The following PAPPA2 variants were observed in gnomAD, a reference collection of about 807,000 sequenced individuals.
PAPPA2 encodes pappalysin-2.
PAPPA2 carries 86 observed loss-of-function variants against 176.4 expected under a neutral mutation model. That is an observed-to-expected ratio of 0.49 (90% CI 0.41 to 0.58). The LOEUF (loss-of-function observed/expected upper bound fraction) is 0.58. PAPPA2 is among the 20% of genes least tolerant of loss of function. The pLI, the probability that PAPPA2 is intolerant of heterozygous loss-of-function variation, is 0.00. For synonymous variants in PAPPA2, 809 were observed against 852.2 expected (o/e 0.95, Z 0.88); for missense variants, 2,073 against 2,256.9 (o/e 0.92, Z 1.65).
chr1:176,668,850 T>C (rs1658823207), intron 3 of PAPPA2, among the ~76,000 whole-genome samples: 1 of 152,146 alleles, frequency 6.6e-6, no homozygotes, highest in African/African-American at 2.4e-5. Context: ...CATACCCAGT[T>C]TGCCACCAGC....
chr1:176,635,013 A>AGATAGATAGATG (rs1553378324), intron 3 of PAPPA2, among the ~76,000 whole-genome samples: 2 of 147,574 alleles, frequency 1.4e-5, no homozygotes, highest in Non-Finnish European at 3.0e-5. Flanking sequence ...ATAGATAGAT[A>AGATAGATAGATG]GATGCACAGC....
intron 19 of PAPPA2, among the ~76,000 whole-genome samples, chr1:176,793,059 G>T (rs1170578919): frequency 6.6e-6 from 1 of 152,106 alleles, no homozygotes; most frequent in African/African-American, 2.4e-5. Flanking sequence ...TAATTTCTGG[G>T]CCATTTCCCG....
chr1:176,779,519 C>CAG lies in PAPPA2; in HGVS notation c.4715+8360_4715+8361dup, dbSNP rs565823413. Among the ~76,000 whole-genome samples the CAG allele has an allele frequency of 7.2e-3, 743 of 102,524 alleles. 5 individuals are homozygous for CAG. Among genetic ancestry groups the CAG allele is most frequent in the South Asian group, 0.023 (66 of 2,830 alleles). 67.3% of individuals were successfully genotyped at this position (102,524 alleles called of 152,430 possible). A position where few individuals can be genotyped will look rare whatever the true frequency, so the allele number is the denominator to read the frequency against. On this transcript the variant is annotated intron_variant, in intron 17 of 22. Coordinates refer to ENST00000367662, the MANE Select transcript of PAPPA2 (RefSeq NM_020318.3). Reference sequence around the variant, plus strand: ...ACACACACACACACACACACACACACAGAGAGAGAGAGAGAGAGAGAGGAG... The same window carrying CAG: ...ACACACACACACACACACACACACACAGAGAGAGAGAGAGAGAGAGAGAGGAG...
chr1:176,664,982 G>C (rs1394298816), intron 3 of PAPPA2, among the ~76,000 whole-genome samples: 1 of 152,118 alleles, frequency 6.6e-6, no homozygotes, highest in Non-Finnish European at 1.5e-5. Flanking sequence ...TTGTACTGAG[G>C]GGGTGGAGTG....
intron 21 of PAPPA2, 100 bp downstream of exon 21, chr1:176,800,232 A>G: frequency 9.0e-7 from 1 of 1,110,594 alleles, no homozygotes; most frequent in Non-Finnish European, 1.3e-6. Context: ...TCCCTCTCCT[A>G]TTCCTCTGTC....
At chr1:176,644,455 A>C (rs1657277567) in intron 3 of PAPPA2, among the ~76,000 whole-genome samples, 1 of 151,824 alleles carries the variant, frequency 6.6e-6, no homozygotes, top group African/African-American at 2.4e-5. Flanking sequence ...TTATTTTATC[A>C]AAAGGAGTTA....
intron 21 of PAPPA2, among the ~76,000 whole-genome samples, chr1:176,836,258 G>A (rs1190712086): frequency 1.3e-5 from 2 of 152,100 alleles, no homozygotes; most frequent in African/African-American, 2.4e-5. Flanking sequence ...TTATGAAAAC[G>A]ATGTGGAAAA....
chr1:176,543,151 C>T (rs187675066), intron 1 of PAPPA2, among the ~76,000 whole-genome samples: 1 of 152,260 alleles, frequency 6.6e-6, no homozygotes, highest in Non-Finnish European at 1.5e-5. Context: ...TCTTCACGTT[C>T]CCCGTCGTCT....
At chr1:176,594,448 G>T in intron 2 of PAPPA2, 76 bp from the exon 3 acceptor site, 1 of 1,236,056 alleles carries the variant, frequency 8.1e-7, no homozygotes, top group Non-Finnish European at 1.1e-6. Context: ...TATTTACATG[G>T]GCTTTCTTCT....
At chr1:176,600,646 A>G (rs1158052023) in intron 3 of PAPPA2, among the ~76,000 whole-genome samples, 1 of 139,742 alleles carries the variant, frequency 7.2e-6, no homozygotes. Context: ...ACTGCACTCC[A>G]GCCTGGGCGA....
intron 17 of PAPPA2, among the ~76,000 whole-genome samples, chr1:176,786,715 G>A (rs1664949495): frequency 1.3e-5 from 2 of 152,064 alleles, no homozygotes; most frequent in African/African-American, 4.8e-5. Flanking sequence ...AGCAAACCTG[G>A]GTCTGCATCC....
At chr1:176,786,377 G>A (rs1664935509) in intron 17 of PAPPA2, among the ~76,000 whole-genome samples, 1 of 151,938 alleles carries the variant, frequency 6.6e-6, no homozygotes, top group Non-Finnish European at 1.5e-5. Context: ...GAGGGTGGGG[G>A]GATTTTAGCT....
chr1:176,746,982 C>A (rs10798479), intron 14 of PAPPA2, among the ~76,000 whole-genome samples: 64,622 of 152,002 alleles, frequency 0.43, 15,153 homozygotes, highest in African/African-American at 0.62. Context: ...ATGGAACAGG[C>A]ATAATTTTTC....
At chr1:176,695,681 C>G in intron 6 of PAPPA2, 57 bp from the exon 7 acceptor site, 1 of 1,589,784 alleles carries the variant, frequency 6.3e-7, no homozygotes. Flanking sequence ...ATTTTCTTAT[C>G]CCAACTCATC....
intron 13 of PAPPA2, 97 bp from the exon 14 acceptor site, chr1:176,739,883 G>A: frequency 6.4e-7 from 1 of 1,563,832 alleles, no homozygotes; most frequent in Non-Finnish European, 8.7e-7. Flanking sequence ...CTAGGTTTTG[G>A]CATCATACAC....
intron 1 of PAPPA2, among the ~76,000 whole-genome samples, chr1:176,518,421 A>G (rs1649032106): frequency 6.6e-6 from 1 of 150,436 alleles, no homozygotes; most frequent in Admixed American, 6.6e-5. Flanking sequence ...GCCTTTATGG[A>G]GTTACCTGTA....
In PAPPA2 at chr1:176,566,438, T is replaced by G. The variant is rs551776401; in HGVS notation, c.919+9197T>G. Among the ~76,000 whole-genome samples, 9 of 152,334 alleles carry G rather than the reference T, an allele frequency of 5.9e-5. No individual in the cohort carries two copies. In the South Asian group the frequency reaches 1.9e-3, roughly 32 times the overall value. On this transcript the variant is annotated intron_variant, in intron 2 of 22. Transcript: ENST00000367662. The stretch of plus-strand genomic sequence containing the variant: ...CATTTACTGTAAAAGATTCTCTTCC[T>G]GGTCCTTTGCATCTCAGGGAGACAA...
intron 3 of PAPPA2, among the ~76,000 whole-genome samples, chr1:176,634,982 G>C (rs1050751358): frequency 6.6e-6 from 1 of 150,910 alleles, no homozygotes; most frequent in African/African-American, 2.5e-5. Flanking sequence ...TAGATAGATA[G>C]ATAGATAGAT....
chr1:176,711,857 A>G lies in PAPPA2; in HGVS notation c.3674A>G (p.Asp1225Gly), dbSNP rs1304041542. 2 of 1,611,614 alleles carry G rather than the reference A, an allele frequency of 1.2e-6. No individual in the cohort carries two copies. The highest frequency in any genetic ancestry group is 1.7e-6 in the Non-Finnish European group (2 of 1,178,004). The change falls in exon 12 of 23, where the codon GAT becomes GGT. Residue 1225 changes from aspartate (D) to glycine (G), a missense_variant. By Grantham distance (94) the Asp-to-Gly change is moderately conservative. This residue lies in a region of PAPPA2 where 846 missense variants were observed against 857.9 expected (regional missense o/e 0.99). Coordinates refer to ENST00000367662, the MANE Select transcript of PAPPA2 (RefSeq NM_020318.3). ...CAGATTTGCACATCATACCATCCAG[A>G]TTTACCCAACCACCGTCCCCTAACT... ...HSLICTSYHP[D>G]LPNHRPLTGW...
Sources: gnomAD v4.1 joint callset for allele counts (sites outside exome capture counted in the v4.1 genomes callset) on GRCh38, gnomAD v4.1.1 for gene constraint, gnomAD v4.1.1 regional missense constraint, MANE v1.5 for transcripts, NCBI Gene and HGNC (gene_info 2026-07-23, HGNC 2026-07-21) for gene names.